Variants in STK35 observed in about 807,000 individuals in gnomAD.
The protein encoded by STK35 is serine/threonine-protein kinase 35.
A neutral mutation model predicts 37.3 loss-of-function variants in STK35; 17 were observed. The ratio of observed to expected loss-of-function variants is 0.46; its 90% CI spans 0.31 to 0.68. The LOEUF (loss-of-function observed/expected upper bound fraction) is 0.68. Among genes scored for constraint, STK35 ranks in the 30% least tolerant of loss-of-function variants. STK35 has a pLI of 0.05. For missense variants in STK35, 595 were observed against 746.7 expected (o/e 0.80, Z 2.37); for synonymous variants, 385 against 319.1 (o/e 1.21, Z -2.20).
chr20:2,116,687 C>T lies in STK35; in HGVS notation c.914C>T (p.Ala305Val). 1 of 1,613,822 alleles carries T rather than the reference C, an allele frequency of 6.2e-7. No homozygotes were observed. The highest frequency in any genetic ancestry group is 8.5e-7 in the Non-Finnish European group (1 of 1,179,760). Residue 305 changes from alanine (A) to valine (V), a missense_variant, in exon 3 of 4, where the codon GCT becomes GTT. By Grantham distance (64) the Ala-to-Val change is moderately conservative. Coordinates refer to ENST00000381482, the MANE Select transcript of STK35 (RefSeq NM_080836.4). ...SLKGERILGY[A>V]EEPCYLWFVM... ...TTAGGAGAAAGGATCCTGGGTTATG[C>T]TGAGGAGCCCTGCTATCTCTGGTTT...
chr20:2,113,499 G>A lies in STK35; in HGVS notation c.893-3167G>A, dbSNP rs75697254. Among the ~76,000 whole-genome samples the A allele has an allele frequency of 8.6e-3, 1,316 of 152,332 alleles. 20 individuals are homozygous for A. Among genetic ancestry groups the A allele is most frequent in the African/African-American group, 0.03 (1,228 of 41,568 alleles). On this transcript the variant is annotated intron_variant, in intron 2 of 3. Transcript: ENST00000381482. ...AGAGATTGTGGGGGCAGCAGGCCTAGGGAGAGGGATCACTTCAAATAGGAA... is the reference window on the plus strand; with the variant it reads ...AGAGATTGTGGGGGCAGCAGGCCTAAGGAGAGGGATCACTTCAAATAGGAA...
intron 2 of STK35, among the ~76,000 whole-genome samples, chr20:2,115,295 C>T (rs1056246329): frequency 6.6e-6 from 1 of 152,122 alleles, no homozygotes; most frequent in African/African-American, 2.4e-5. Flanking sequence ...GTTAGCAGAG[C>T]CTCACCTAGA....
At position 2,117,466 on chromosome 20, in the gene STK35, C is replaced by CAA. The variant is rs150340737; in HGVS notation, c.*37+52_*37+53insAA. ...TGTTTTTTGTTTTGAGACAGGGTCTCACTCTGTTGGTCAGGCTGGGGTGCA... is the reference window on the plus strand; with the variant it reads ...TGTTTTTTGTTTTGAGACAGGGTCTCAAACTCTGTTGGTCAGGCTGGGGTGCA... On this transcript the variant is annotated intron_variant, in intron 3 of 3. Transcript: ENST00000381482. The surrounding 1 kb of genome is among the most constrained non-coding windows in gnomAD (Gnocchi z 4.4). 4,049 of 1,106,042 alleles carry CAA rather than the reference C, an allele frequency of 3.7e-3. 89 individuals carry two copies. The African/African-American group carries it at 0.057, about 16-fold the overall frequency. The allele number at this position is 1,106,042 out of a possible 1,614,324, so 68.5% of individuals were successfully genotyped here. A position where few individuals can be genotyped will look rare whatever the true frequency, so the allele number is the denominator to read the frequency against.
chr20:2,111,189 A>G (rs1002542090), intron 2 of STK35, among the ~76,000 whole-genome samples: 1 of 152,192 alleles, frequency 6.6e-6, no homozygotes, highest in Non-Finnish European at 1.5e-5. Flanking sequence ...TCAGTCGGCC[A>G]CTAGGCTGTC....
chr20:2,143,979 C>G lies in STK35; in HGVS notation c.*233C>G, dbSNP rs1277685678. The G allele has an allele frequency of 2.8e-6, 1 of 361,052 alleles. No individual in the cohort carries two copies. 22.4% of individuals were successfully genotyped at this position (361,052 alleles called of 1,614,324 possible). A position where few individuals can be genotyped will look rare whatever the true frequency, so the allele number is the denominator to read the frequency against. ...TTTTCTTTTTTTTTTTTCCTCTTTC[C>G]TTTTTTTAAATTTAAACCATTGAGA... On this transcript the variant is annotated 3_prime_UTR_variant, in exon 4 of 4. Coordinates refer to ENST00000381482, the MANE Select transcript of STK35 (RefSeq NM_080836.4).
rs561303303 is a variant in STK35, at chr20:2,120,762, G to A, written c.*37+3347G>A. Among the ~76,000 whole-genome samples, 28 of 152,352 alleles carry A rather than the reference G, an allele frequency of 1.8e-4. 1 individual carries two copies. The South Asian group carries it at 5.8e-3, about 32-fold the overall frequency. On this transcript the variant is annotated intron_variant, in intron 3 of 3. Coordinates refer to ENST00000381482, the MANE Select transcript of STK35 (RefSeq NM_080836.4). ...CGGTGAACAAAACAGACAAGTTTTT[G>A]CAGTATGGAGCTTAACATTCGTTCT... is the stretch of plus-strand genomic sequence containing the variant.
At chr20:2,134,606 T>C (rs1355503567) in intron 3 of STK35, among the ~76,000 whole-genome samples, 1 of 152,168 alleles carries the variant, frequency 6.6e-6, no homozygotes, top group Non-Finnish European at 1.5e-5. Context: ...AAAAAATGCC[T>C]GGGGCCTGGC....
intron 3 of STK35, among the ~76,000 whole-genome samples, chr20:2,120,436 T>TG (rs1985797085): frequency 1.3e-5 from 2 of 152,240 alleles, no homozygotes; most frequent in African/African-American, 4.8e-5. Context: ...ACAGTACTGG[T>TG]GGTGCCAATT....
intron 3 of STK35, among the ~76,000 whole-genome samples, chr20:2,132,226 T>G (rs916394898): frequency 5.3e-5 from 8 of 152,304 alleles, no homozygotes; most frequent in South Asian, 2.1e-4. Flanking sequence ...CACCGCACTG[T>G]CTCAGGGCCA....
intron 3 of STK35, among the ~76,000 whole-genome samples, chr20:2,122,779 G>T (rs1242000095): frequency 6.6e-6 from 1 of 152,172 alleles, no homozygotes; most frequent in African/African-American, 2.4e-5. Flanking sequence ...AGAAGTATTG[G>T]CTTCCATTTC....
rs936223251 is a variant in STK35, at chr20:2,103,359, C to T, written c.886C>T (p.Leu296=). The change falls in exon 2 of 4, where the codon CTG becomes TTG. Residue 296 remains leucine (L), a synonymous_variant. Transcript: ENST00000381482. ...TTACCTGCGCCTGGTGGAGACCTCG[C>T]TGAAAGGTAGGAGCACCGCGGGCCT... ...QLYLRLVETS[L]KGERILGYAE... is the part of the protein sequence containing the mutation. 5 of 1,610,320 alleles carry T rather than the reference C, an allele frequency of 3.1e-6. No individual in the cohort carries two copies. The highest frequency in any genetic ancestry group is 1.3e-5 in the African/African-American group (1 of 74,848).
At position 2,145,865 on chromosome 20, in the gene STK35, C is replaced by T. The variant is rs1012014649; in HGVS notation, c.*2119C>T. The stretch of plus-strand genomic sequence containing the variant: ...CACCCCCCTCTCCCTGGCTGCAGCC[C>T]ACACTGTAACATCCCTAGTGAGGCT... On this transcript the variant is annotated 3_prime_UTR_variant, in exon 4 of 4. Coordinates refer to ENST00000381482, the MANE Select transcript of STK35 (RefSeq NM_080836.4). 1.1e-4 allele frequency: 17 copies of T among 152,234 alleles called. No individual in the cohort carries two copies. The allele number at this position is 152,234 out of a possible 1,614,324, so 9.4% of individuals were successfully genotyped here. A position where few individuals can be genotyped will look rare whatever the true frequency, so the allele number is the denominator to read the frequency against.
At chr20:2,102,725 C>G (rs1352547250) in intron 1 of STK35, 43 bp from the exon 2 acceptor site, 1 of 1,362,112 alleles carries the variant, frequency 7.3e-7, no homozygotes, top group South Asian at 1.6e-5. Flanking sequence ...CTCCTGGCCT[C>G]CCCGCCTTGG....
intron 2 of STK35, among the ~76,000 whole-genome samples, chr20:2,107,628 A>T (rs1193875793): frequency 6.6e-6 from 1 of 152,182 alleles, no homozygotes; most frequent in Non-Finnish European, 1.5e-5. Flanking sequence ...CAGGGGAAGG[A>T]AGAAGCTGAG....
rs1215780587 is a variant in STK35 at position 2,141,078 on chromosome 20, C to T, written c.*38-2706C>T. 2.6e-5 allele frequency among the ~76,000 whole-genome samples: 4 copies of T among 152,286 alleles called. No homozygotes were observed. The East Asian group carries it at 7.7e-4, about 29-fold the overall frequency. On this transcript the variant is annotated intron_variant, in intron 3 of 3. Coordinates refer to ENST00000381482, the MANE Select transcript of STK35 (RefSeq NM_080836.4). ...GGCTGTATAATTTCTCATCGTATTTCACAAGGTCTTAATGTCTCAGATGGT... is the reference window on the plus strand; with the variant it reads ...GGCTGTATAATTTCTCATCGTATTTTACAAGGTCTTAATGTCTCAGATGGT...
chr20:2,106,297 A>C (rs763298272), intron 2 of STK35, among the ~76,000 whole-genome samples: 23 of 152,174 alleles, frequency 1.5e-4, no homozygotes, highest in Non-Finnish European at 2.8e-4. Flanking sequence ...TTAAATAGAA[A>C]AGTCCTTTAC....
At chr20:2,138,909 C>G (rs1040374053) in intron 3 of STK35, among the ~76,000 whole-genome samples, 3 of 151,898 alleles carry the variant, frequency 2.0e-5, no homozygotes, top group Admixed American at 6.6e-5. Context: ...TACCTATAAT[C>G]CCAGCTGCTC....
At chr20:2,105,356 C>T (rs1295678453) in intron 2 of STK35, among the ~76,000 whole-genome samples, 1 of 152,164 alleles carries the variant, frequency 6.6e-6, no homozygotes, top group East Asian at 1.9e-4. Context: ...TTCCTTGTGT[C>T]CTCAGTTCAT....
At chr20:2,133,215 T>C (rs1429465391) in intron 3 of STK35, among the ~76,000 whole-genome samples, 1 of 152,146 alleles carries the variant, frequency 6.6e-6, no homozygotes, top group African/African-American at 2.4e-5. Context: ...CCACAAATTG[T>C]TCTGTCCCCA....
Sources: allele counts gnomAD v4.1 joint callset (sites outside exome capture counted in the v4.1 genomes callset), GRCh38; gene constraint gnomAD v4.1.1; non-coding constraint Gnocchi (gnomAD v3.1); transcripts MANE v1.5; gene names NCBI Gene and HGNC (gene_info 2026-07-23, HGNC 2026-07-21).